JAK1: variants seen among roughly 807,000 people sequenced by gnomAD.
JAK1 encodes the protein Janus kinase 1, also known as tyrosine-protein kinase JAK1.
In JAK1, 16 loss-of-function variants were observed where a neutral mutation model predicts 136.6. The ratio of observed to expected loss-of-function variants is 0.12; its 90% CI spans 0.08 to 0.18. The LOEUF (loss-of-function observed/expected upper bound fraction) is 0.18. Ranked by LOEUF, JAK1 falls within the 10% of genes least tolerant of loss-of-function variation. JAK1 has a pLI of 1.00. For synonymous variants in JAK1, 492 were observed against 519.5 expected, an observed-to-expected ratio of 0.95 and a Z score of 0.72; for missense variants, 859 against 1,450.1, an observed-to-expected ratio of 0.59 and a Z score of 6.62.
intron 2 of JAK1, among the ~76,000 whole-genome samples, chr1:64,994,283 A>C (rs1483237891): frequency 6.6e-6 from 1 of 152,226 alleles, no homozygotes; most frequent in East Asian, 1.9e-4. Context: ...TCAAATAAAC[A>C]TTAAGTCATT....
intron 2 of JAK1, among the ~76,000 whole-genome samples, chr1:65,041,530 C>A (rs1195108570): frequency 6.6e-6 from 1 of 152,074 alleles, no homozygotes; most frequent in Non-Finnish European, 1.5e-5. Flanking sequence ...CGTCTCCTAC[C>A]TGATGGCCTC....
intron 1 of JAK1, among the ~76,000 whole-genome samples, chr1:64,948,779 A>T (rs905129778): frequency 2.0e-4 from 31 of 152,248 alleles, no homozygotes. Flanking sequence ...TCTCTCCCAC[A>T]GGACTATCTT....
At chr1:64,920,507 G>A (rs1329330958) in intron 1 of JAK1, among the ~76,000 whole-genome samples, 1 of 152,096 alleles carries the variant, frequency 6.6e-6, no homozygotes, top group African/African-American at 2.4e-5. Context: ...TCATGCCACT[G>A]CACTCCTGCC....
chr1:65,043,326 G>A (rs1647152269), intron 2 of JAK1, among the ~76,000 whole-genome samples: 1 of 152,036 alleles, frequency 6.6e-6, no homozygotes, highest in Admixed American at 6.6e-5. Flanking sequence ...CTAGGAAGTG[G>A]CACCTACTTT....
rs1202229172 is a variant in JAK1, at chr1:64,844,759, C to A, written c.2246G>T (p.Arg749Met). 6.2e-7 allele frequency: 1 copy of A among 1,614,134 alleles called. No homozygotes were observed. The highest frequency in any genetic ancestry group is 1.1e-5 in the South Asian group (1 of 91,078). The change falls in exon 16 of 25, where the codon AGG (arginine) becomes ATG (methionine). Residue 749 changes from arginine (R) to methionine (M), a missense_variant. This residue lies in a region of JAK1 where 409 missense variants were observed against 753.8 expected (regional missense o/e 0.54). Transcript: ENST00000342505. This position sits in a 1 kb window ranked among gnomAD's most constrained non-coding sequence, Gnocchi z 5.7. Reference sequence around the variant, plus strand: ...GGAAGAGAGGGGAGACACACCTTGCCTAGACAGCACCGTAATGGGGATGCC... The same window carrying A: ...GGAAGAGAGGGGAGACACACCTTGCATAGACAGCACCGTAATGGGGATGCC... ...DPGIPITVLS[R>M]QECIERIPWI...
intron 1 of JAK1, among the ~76,000 whole-genome samples, chr1:64,928,421 C>A (rs1645619830): frequency 6.6e-6 from 1 of 152,176 alleles, no homozygotes; most frequent in South Asian, 2.1e-4. Context: ...TTCCCTTTCT[C>A]CCTGAAGCCA....
At chr1:65,041,759 C>T (rs1468462612) in intron 2 of JAK1, among the ~76,000 whole-genome samples, 1 of 152,202 alleles carries the variant, frequency 6.6e-6, no homozygotes, top group Non-Finnish European at 1.5e-5. Flanking sequence ...AATATCTGGG[C>T]TGGGCACGGT....
intron 20 of JAK1, among the ~76,000 whole-genome samples, chr1:64,838,917 G>A (rs1182329906): frequency 7.2e-5 from 11 of 151,968 alleles, no homozygotes; most frequent in East Asian, 3.9e-4. Flanking sequence ...AGGCCGAGGC[G>A]GGCGGATCAC....
At chr1:64,973,941 T>C (rs949876655) in intron 2 of JAK1, 1 of 152,168 alleles carries the variant, frequency 6.6e-6, no homozygotes, top group African/African-American at 2.4e-5. Context: ...GCATGACATA[T>C]AATAAAAATT....
intron 2 of JAK1, among the ~76,000 whole-genome samples, chr1:65,012,090 C>A (rs946562520): frequency 3.3e-5 from 5 of 152,322 alleles, no homozygotes; most frequent in South Asian, 2.1e-4. Context: ...AAACACAGAA[C>A]CTGGCTCAGC....
intron 9 of JAK1, among the ~76,000 whole-genome samples, chr1:64,858,916 G>A (rs1238829824): frequency 6.6e-6 from 1 of 152,232 alleles, no homozygotes; most frequent in Admixed American, 6.5e-5. Context: ...AGCACCTGAA[G>A]GAAGTGGAGG....
intron 8 of JAK1, among the ~76,000 whole-genome samples, chr1:64,861,158 T>C (rs1470729682): frequency 6.6e-6 from 1 of 152,082 alleles, no homozygotes; most frequent in Non-Finnish European, 1.5e-5. Context: ...AATGGCTAAA[T>C]CGGCATTATT....
intron 7 of JAK1, among the ~76,000 whole-genome samples, chr1:64,865,290 C>T (rs574494081): frequency 6.6e-6 from 1 of 152,310 alleles, no homozygotes; most frequent in South Asian, 2.1e-4. Context: ...ATTCAGGTCT[C>T]CTCACTTCCA....
chr1:65,030,569 G>A (rs1173976094), intron 2 of JAK1, among the ~76,000 whole-genome samples: 4 of 150,954 alleles, frequency 2.6e-5, no homozygotes, highest in Admixed American at 1.3e-4. Context: ...GTCTCACCCT[G>A]TCACCCAGGC....
chr1:65,064,128 G>A (rs1647938912), intron 1 of JAK1, among the ~76,000 whole-genome samples: 2 of 152,118 alleles, frequency 1.3e-5, no homozygotes, highest in Non-Finnish European at 2.9e-5. Flanking sequence ...CTTAATTTGC[G>A]TTTGGATTTC....
At chr1:64,839,102 C>T (rs1472755199) in intron 20 of JAK1, among the ~76,000 whole-genome samples, 14 of 139,174 alleles carry the variant, frequency 1.0e-4, no homozygotes, top group South Asian at 2.3e-4. Context: ...GCCGAGATTG[C>T]GCCACTGCAG....
At chr1:64,929,223 G>C (rs1645646408) in intron 1 of JAK1, among the ~76,000 whole-genome samples, 1 of 152,180 alleles carries the variant, frequency 6.6e-6, no homozygotes, top group Admixed American at 6.5e-5. Flanking sequence ...ATTCATAACA[G>C]GCTGCATTGT....
At chr1:65,019,670 A>G (rs1646920270) in intron 2 of JAK1, among the ~76,000 whole-genome samples, 1 of 152,144 alleles carries the variant, frequency 6.6e-6, no homozygotes, top group Non-Finnish European at 1.5e-5. Context: ...TAATCCTAAC[A>G]CTTTGGGAGG....
intron 1 of JAK1, among the ~76,000 whole-genome samples, chr1:64,919,421 G>A (rs1264597214): frequency 6.6e-6 from 1 of 152,164 alleles, no homozygotes; most frequent in Non-Finnish European, 1.5e-5. Context: ...TATCATTGAT[G>A]GACATTTGGG....
Sources: allele counts gnomAD v4.1 joint callset (sites outside exome capture counted in the v4.1 genomes callset), GRCh38; gene constraint gnomAD v4.1.1; regional missense constraint gnomAD v4.1.1; non-coding constraint Gnocchi (gnomAD v3.1); transcripts MANE v1.5; gene names NCBI Gene and HGNC (gene_info 2026-07-23, HGNC 2026-07-21).